The following ARSB variants were observed in gnomAD, a reference collection of about 807,000 sequenced individuals.
The protein encoded by ARSB is N-acetylgalactosamine-4-sulfatase.
ARSB carries 41 observed loss-of-function variants against 50.9 expected under a neutral mutation model. The ratio of observed to expected loss-of-function variants is 0.81; its 90% CI spans 0.63 to 1.04. The LOEUF (loss-of-function observed/expected upper bound fraction) is 1.04, where lower values mean the gene tolerates loss of function less well. Ranked by LOEUF, ARSB falls within the 50% of genes least tolerant of loss-of-function variation. The pLI, the probability that ARSB is intolerant of heterozygous loss-of-function variation, is 0.00. For synonymous variants in ARSB, 269 were observed against 284.8 expected (o/e 0.94, Z 0.56); for missense variants, 672 against 693.3 (o/e 0.97, Z 0.35).
At chr5:78,785,668 A>C (rs547461924) in intron 6 of ARSB, among the ~76,000 whole-genome samples, 1 of 152,340 alleles carries the variant, frequency 6.6e-6, no homozygotes, top group African/African-American at 2.4e-5. Context: ...AAGAAGTATA[A>C]AACAGGGTAT....
intron 3 of ARSB, among the ~76,000 whole-genome samples, chr5:78,959,378 A>AG (rs573112453): frequency 5.6e-4 from 85 of 151,692 alleles, no homozygotes; most frequent in African/African-American, 2.0e-3. Context: ...AGCTCACTGG[A>AG]GGGCCAGTGG....
rs922071994 is a variant in ARSB at position 78,851,127 on chromosome 5, T to C, written c.1143-11701A>G. ...CTTTTGAATGTGTTTGCTCTTGCTT[T>C]TCTAGTTGTTTTAATTGTGATGTTA... On this transcript the variant is annotated intron_variant, in intron 5 of 7. Transcript: ENST00000264914. 2.0e-5 allele frequency among the ~76,000 whole-genome samples: 3 copies of C among 152,162 alleles called. 1 individual carries two copies. Among genetic ancestry groups the C allele is most frequent in the South Asian group, 4.1e-4 (2 of 4,836 alleles).
At chr5:78,865,071 G>C (rs763616503) in intron 5 of ARSB, among the ~76,000 whole-genome samples, 3 of 152,118 alleles carry the variant, frequency 2.0e-5, no homozygotes, top group Admixed American at 6.5e-5. Flanking sequence ...TATCATTCTG[G>C]GGTCTGGAGG....
At chr5:78,851,670 T>C (rs541599681) in intron 5 of ARSB, among the ~76,000 whole-genome samples, 2 of 152,318 alleles carry the variant, frequency 1.3e-5, no homozygotes, top group African/African-American at 4.8e-5. Context: ...TGTTAAAGTC[T>C]CCTATTATTA....
intron 5 of ARSB, among the ~76,000 whole-genome samples, chr5:78,865,763 C>T (rs1746687998): frequency 6.6e-6 from 1 of 152,122 alleles, no homozygotes; most frequent in Admixed American, 6.6e-5. Flanking sequence ...CTGCCAGATA[C>T]CCTAAATCAT....
chr5:78,937,823 C>T (rs182154556), intron 4 of ARSB, among the ~76,000 whole-genome samples: 24 of 152,198 alleles, frequency 1.6e-4, no homozygotes, highest in Admixed American at 9.2e-4. Flanking sequence ...GTTCACTCCT[C>T]TCCACAGAAA....
chr5:78,910,138 G>C (rs1186200811), intron 4 of ARSB, among the ~76,000 whole-genome samples: 1 of 152,170 alleles, frequency 6.6e-6, no homozygotes, highest in Non-Finnish European at 1.5e-5. Context: ...CTATCACCCT[G>C]TTCTCCTGCC....
chr5:78,792,916 G>A (rs1743027347), intron 6 of ARSB, among the ~76,000 whole-genome samples: 1 of 152,054 alleles, frequency 6.6e-6, no homozygotes, highest in Non-Finnish European at 1.5e-5. Flanking sequence ...AAATTATGTG[G>A]GGAATATGTG....
intron 2 of ARSB, among the ~76,000 whole-genome samples, chr5:78,967,465 G>C (rs1752255141): frequency 6.6e-6 from 1 of 152,082 alleles, no homozygotes; most frequent in Non-Finnish European, 1.5e-5. Context: ...ACGAGGTCAG[G>C]AGTTCGAGAC....
intron 4 of ARSB, among the ~76,000 whole-genome samples, chr5:78,933,047 T>C (rs1750409185): frequency 6.6e-6 from 1 of 152,238 alleles, no homozygotes. Context: ...GTGGGTTGGA[T>C]AGCTAGCCTT....
At chr5:78,889,945 C>T (rs568350426) in intron 4 of ARSB, among the ~76,000 whole-genome samples, 38 of 152,304 alleles carry the variant, frequency 2.5e-4, no homozygotes, top group African/African-American at 9.1e-4. Context: ...AAGGAAGGCT[C>T]TAGCAGCCTC....
At chr5:78,787,089 ACCATCTAT>A (rs1231127337) in intron 6 of ARSB, among the ~76,000 whole-genome samples, 23 of 107,500 alleles carry the variant, frequency 2.1e-4, no homozygotes, top group African/African-American at 7.7e-4. Flanking sequence ...AAAATCGATA[ACCATCTAT>A]CTATCTATCT....
At chr5:78,886,270 AC>A (rs1748027155) in intron 4 of ARSB, among the ~76,000 whole-genome samples, 1 of 152,152 alleles carries the variant, frequency 6.6e-6, no homozygotes, top group Non-Finnish European at 1.5e-5. Context: ...ACAAAAACTG[AC>A]CTTTTTCTTT....
chr5:78,932,466 C>T (rs1442661536), intron 4 of ARSB, among the ~76,000 whole-genome samples: 4 of 152,200 alleles, frequency 2.6e-5, no homozygotes, highest in African/African-American at 9.6e-5. Flanking sequence ...TGGGGATTGT[C>T]TCTAAAACCC....
chr5:78,799,029 G>A (rs1743278059), intron 6 of ARSB, among the ~76,000 whole-genome samples: 1 of 152,220 alleles, frequency 6.6e-6, no homozygotes, highest in Non-Finnish European at 1.5e-5. Flanking sequence ...CGAAAGTAAG[G>A]ACGTTTTATA....
At chr5:78,818,079 C>T (rs1744067179) in intron 6 of ARSB, among the ~76,000 whole-genome samples, 1 of 152,184 alleles carries the variant, frequency 6.6e-6, no homozygotes, top group South Asian at 2.1e-4. Context: ...ACCCAGGAGA[C>T]AGAGGTTGCA....
At chr5:78,859,776 T>C (rs1746337593) in intron 5 of ARSB, among the ~76,000 whole-genome samples, 1 of 151,652 alleles carries the variant, frequency 6.6e-6, no homozygotes, top group African/African-American at 2.4e-5. Flanking sequence ...CCATTGTGCC[T>C]CCTCTCACCC....
At chr5:78,821,399 A>T (rs577821674) in intron 6 of ARSB, among the ~76,000 whole-genome samples, 1 of 152,262 alleles carries the variant, frequency 6.6e-6, no homozygotes, top group East Asian at 1.9e-4. Context: ...CAGCCTCCCA[A>T]AGTGCTGGGA....
At chr5:78,816,247 T>A in intron 6 of ARSB, 1 of 1,545,838 alleles carries the variant, frequency 6.5e-7, no homozygotes, top group Non-Finnish European at 8.8e-7. Context: ...GGGCAAGGAC[T>A]GTCTCCTTCA....
Sources: allele counts gnomAD v4.1 joint callset (sites outside exome capture counted in the v4.1 genomes callset), GRCh38; gene constraint gnomAD v4.1.1; transcripts MANE v1.5; gene names NCBI Gene and HGNC (gene_info 2026-07-23, HGNC 2026-07-21).